The following CNOT2 variants were observed in gnomAD, a reference collection of about 807,000 sequenced individuals.
The protein encoded by CNOT2 is CCR4-NOT transcription complex subunit 2.
A neutral mutation model predicts 72.1 loss-of-function variants in CNOT2; 7 were observed. That is an observed-to-expected ratio of 0.10 (90% CI 0.06 to 0.18). CNOT2 has a LOEUF of 0.18. CNOT2 is among the 10% of genes least tolerant of loss of function. The pLI, the probability that CNOT2 is intolerant of heterozygous loss-of-function variation, is 1.00. For missense variants in CNOT2, 345 were observed against 660.3 expected (o/e 0.52, Z 5.23); for synonymous variants, 196 against 225.6 (o/e 0.87, Z 1.17).
In CNOT2 at chr12:70,278,474, T is replaced by C. The variant is rs1869243419; in HGVS notation, c.48+200T>C. The stretch of plus-strand genomic sequence containing the variant: ...TTCAAAATAAAGCATATTCATAATG[T>C]ATATTTTTTAGTGTCAAATCAGGTT... On this transcript the variant is annotated intron_variant, in intron 2 of 15. Coordinates refer to ENST00000229195, the MANE Select transcript of CNOT2 (RefSeq NM_014515.7). 4 of 459,504 alleles carry C rather than the reference T, an allele frequency of 8.7e-6. No individual in the cohort carries two copies. In the South Asian group the frequency reaches 1.8e-4, roughly 20 times the overall value. 28.5% of individuals were successfully genotyped at this position (459,504 alleles called of 1,614,324 possible).
At chr12:70,299,848 A>G (rs957374987) in intron 2 of CNOT2, among the ~76,000 whole-genome samples, 15 of 152,168 alleles carry the variant, frequency 9.9e-5, no homozygotes, top group Non-Finnish European at 2.1e-4. Flanking sequence ...CAGCAGTGTA[A>G]AAGTGTTCCT....
chr12:70,325,014 C>T (rs7137944), intron 4 of CNOT2, among the ~76,000 whole-genome samples: 4,167 of 151,900 alleles, frequency 0.027, 120 homozygotes, highest in African/African-American at 0.06. Context: ...GTCCCTCCTA[C>T]AAGCAGTCAA....
At chr12:70,351,141 A>G (rs752782659) in intron 15 of CNOT2, among the ~76,000 whole-genome samples, 47 of 152,322 alleles carry the variant, frequency 3.1e-4, no homozygotes, top group Non-Finnish European at 6.0e-4. Context: ...AAGCAAATAT[A>G]TACATAGACC....
intron 7 of CNOT2, among the ~76,000 whole-genome samples, chr12:70,333,710 G>A (rs777257283): frequency 3.3e-5 from 5 of 151,974 alleles, no homozygotes; most frequent in Admixed American, 2.6e-4. Context: ...TGTATGCTCA[G>A]CAGCATAGAT....
intron 2 of CNOT2, among the ~76,000 whole-genome samples, chr12:70,308,574 T>G (rs1875868346): frequency 6.9e-6 from 1 of 144,836 alleles, no homozygotes; most frequent in African/African-American, 2.7e-5. Flanking sequence ...TCTCTCTCTC[T>G]CTCTCTCTCT....
At chr12:70,330,091 T>C (rs537577294) in intron 5 of CNOT2, among the ~76,000 whole-genome samples, 196 bp from the exon 6 acceptor site, 38 of 152,088 alleles carry the variant, frequency 2.5e-4, no homozygotes, top group African/African-American at 8.7e-4. Context: ...TTTTATCAGT[T>C]GCACTATAAT....
chr12:70,271,312 T>C (rs1427914920), intron 1 of CNOT2, among the ~76,000 whole-genome samples: 1 of 151,972 alleles, frequency 6.6e-6, no homozygotes, highest in Non-Finnish European at 1.5e-5. Context: ...AAATGCCCTT[T>C]CATAAATCAA....
At chr12:70,268,140 A>G (rs1267127596) in intron 1 of CNOT2, among the ~76,000 whole-genome samples, 1 of 152,186 alleles carries the variant, frequency 6.6e-6, no homozygotes. Context: ...TCCTTTCTTT[A>G]TAGCAGGTCT....
At chr12:70,263,097 A>C (rs1390902796) in intron 1 of CNOT2, among the ~76,000 whole-genome samples, 1 of 152,204 alleles carries the variant, frequency 6.6e-6, no homozygotes, top group Admixed American at 6.5e-5. Flanking sequence ...ATGAAAAGTT[A>C]GTTGTGACAA....
At chr12:70,332,692 TACAC>T in intron 6 of CNOT2, 71 bp from the exon 7 acceptor site, 3 of 1,464,258 alleles carry the variant, frequency 2.0e-6, no homozygotes, top group Middle Eastern at 1.9e-4. Flanking sequence ...AGACCAAAAA[TACAC>T]ACTTCTGTTT....
intron 15 of CNOT2, among the ~76,000 whole-genome samples, chr12:70,348,320 A>G (rs74104004): frequency 0.011 from 1,742 of 152,294 alleles, 34 homozygotes; most frequent in African/African-American, 0.04. Context: ...TTAAAACACA[A>G]ATTTCTGGAC....
At chr12:70,337,903 C>A (rs938325592) in intron 9 of CNOT2, 4 of 346,976 alleles carry the variant, frequency 1.2e-5, no homozygotes, top group African/African-American at 4.4e-5. Context: ...TCTGACTTAA[C>A]AAATATGTTT....
At chr12:70,263,909 T>C (rs1332019689) in intron 1 of CNOT2, among the ~76,000 whole-genome samples, 1 of 152,222 alleles carries the variant, frequency 6.6e-6, no homozygotes, top group Non-Finnish European at 1.5e-5. Context: ...AAGTGCCTGA[T>C]GTCACCCATG....
intron 13 of CNOT2, among the ~76,000 whole-genome samples, chr12:70,342,925 G>A (rs1487567573): frequency 6.6e-6 from 1 of 152,038 alleles, no homozygotes; most frequent in Non-Finnish European, 1.5e-5. Context: ...TTATATATTT[G>A]TGTATAAATA....
chr12:70,350,281 C>T (rs1230999987), intron 15 of CNOT2, among the ~76,000 whole-genome samples: 1 of 152,094 alleles, frequency 6.6e-6, no homozygotes, highest in Non-Finnish European at 1.5e-5. Context: ...CCTAATTTGA[C>T]CTCGTGGATC....
intron 1 of CNOT2, among the ~76,000 whole-genome samples, chr12:70,245,742 CA>C (rs1304769030): frequency 6.6e-6 from 1 of 151,972 alleles, no homozygotes; most frequent in East Asian, 1.9e-4. Context: ...AAAACAAAAA[CA>C]AAAAAATTCA....
intron 1 of CNOT2, among the ~76,000 whole-genome samples, chr12:70,261,418 C>G (rs1465912904): frequency 1.4e-5 from 2 of 147,294 alleles, no homozygotes; most frequent in Admixed American, 1.4e-4. Flanking sequence ...AGGTTCACGC[C>G]ATTCTCCTGC....
intron 1 of CNOT2, among the ~76,000 whole-genome samples, chr12:70,269,499 A>G (rs1448657908): frequency 6.6e-6 from 1 of 152,164 alleles, no homozygotes; most frequent in Non-Finnish European, 1.5e-5. Context: ...GTTATATTGG[A>G]GTACAGTTTT....
chr12:70,322,751 T>G (rs2135996679), intron 4 of CNOT2: 1 of 151,890 alleles, frequency 6.6e-6, no homozygotes, highest in East Asian at 1.9e-4. Flanking sequence ...GCTACTTGTT[T>G]CATAGAGAAC....
Sources: allele counts gnomAD v4.1 joint callset (sites outside exome capture counted in the v4.1 genomes callset), GRCh38; gene constraint gnomAD v4.1.1; transcripts MANE v1.5; gene names NCBI Gene and HGNC (gene_info 2026-07-23, HGNC 2026-07-21).